The following CCDC192 variants were observed in gnomAD, a reference collection of about 807,000 sequenced individuals.
The protein encoded by CCDC192 is coiled-coil domain containing 192, also known as coiled-coil domain-containing protein 192.
chr5:127,790,683 C>A (rs777023799), intron 3 of CCDC192, among the ~76,000 whole-genome samples: 8 of 152,224 alleles, frequency 5.3e-5, no homozygotes, highest in Middle Eastern at 3.4e-3. Flanking sequence ...TTTTAGCTCC[C>A]AGATAGAAGT....
At chr5:127,762,195 T>C (rs1383766938) in intron 3 of CCDC192, among the ~76,000 whole-genome samples, 3 of 152,216 alleles carry the variant, frequency 2.0e-5, no homozygotes, top group South Asian at 2.1e-4. Flanking sequence ...TCTGAAATCA[T>C]GAGTTTTGTG....
chr5:127,937,108 TTG>T (rs1754208358), intron 6 of CCDC192, among the ~76,000 whole-genome samples: 1 of 152,228 alleles, frequency 6.6e-6, no homozygotes, highest in African/African-American at 2.4e-5. Context: ...AACAAAATAT[TTG>T]TGTTTTATAT....
intron 3 of CCDC192, among the ~76,000 whole-genome samples, chr5:127,760,482 T>A (rs777760461): frequency 6.6e-6 from 1 of 151,816 alleles, no homozygotes; most frequent in Non-Finnish European, 1.5e-5. Context: ...TTCAAAACTT[T>A]ACATTTATAA....
intron 3 of CCDC192, among the ~76,000 whole-genome samples, chr5:127,775,716 A>ATAAT (rs1210810749): frequency 1.3e-5 from 2 of 152,206 alleles, no homozygotes; most frequent in African/African-American, 4.8e-5. Flanking sequence ...TGTAGCTCCC[A>ATAAT]TAATTCCCAC....
chr5:127,874,381 C>T lies in CCDC192; in HGVS notation c.412-1157C>T, dbSNP rs944468486. 3.3e-5 allele frequency among the ~76,000 whole-genome samples: 5 copies of T among 152,096 alleles called. No homozygotes were observed. In the East Asian group the frequency reaches 9.6e-4, roughly 29 times the overall value. ...AGATAACCTGATCTGGGTGACCTCC[C>T]AAAGGTTTAGATCTCATAAATCATC... On this transcript the variant is annotated intron_variant, in intron 5 of 6. Transcript: ENST00000514853.
chr5:127,774,165 T>C (rs1375507145), intron 3 of CCDC192, among the ~76,000 whole-genome samples: 2 of 152,212 alleles, frequency 1.3e-5, no homozygotes, highest in South Asian at 4.1e-4. Flanking sequence ...ATACTAAACC[T>C]TTATCATATA....
chr5:127,915,053 TACAGGCATA>T (rs1402203907), intron 6 of CCDC192, among the ~76,000 whole-genome samples: 1 of 152,172 alleles, frequency 6.6e-6, no homozygotes, highest in African/African-American at 2.4e-5. Context: ...GTTAGTATAA[TACAGGCATA>T]ACTCAGAGAT....
intron 5 of CCDC192, among the ~76,000 whole-genome samples, chr5:127,804,086 A>C (rs1441076126): frequency 6.6e-6 from 1 of 152,194 alleles, no homozygotes; most frequent in Non-Finnish European, 1.5e-5. Context: ...CCTCCTACAA[A>C]GAAGCTATAA....
At chr5:127,824,864 A>C (rs1749449929) in intron 5 of CCDC192, among the ~76,000 whole-genome samples, 1 of 152,208 alleles carries the variant, frequency 6.6e-6, no homozygotes, top group Non-Finnish European at 1.5e-5. Context: ...CTGTGCTAAG[A>C]TAAATGGTGA....
intron 6 of CCDC192, among the ~76,000 whole-genome samples, chr5:127,902,161 A>G (rs1753054065): frequency 1.3e-5 from 2 of 152,134 alleles, no homozygotes; most frequent in Admixed American, 1.3e-4. Flanking sequence ...AATCCCAGCT[A>G]CGAGGGAGGC....
At chr5:127,887,069 T>G (rs1752585758) in intron 6 of CCDC192, among the ~76,000 whole-genome samples, 1 of 152,196 alleles carries the variant, frequency 6.6e-6, no homozygotes, top group African/African-American at 2.4e-5. Flanking sequence ...GGCTCACACC[T>G]GTAATCCCAG....
chr5:127,915,869 C>T (rs1291114148), intron 6 of CCDC192, among the ~76,000 whole-genome samples: 1 of 152,128 alleles, frequency 6.6e-6, no homozygotes, highest in African/African-American at 2.4e-5. Context: ...TGGCTGCTGA[C>T]AGATAAAGGT....
chr5:127,877,321 C>CT (rs1442304757), intron 6 of CCDC192, among the ~76,000 whole-genome samples: 9 of 149,064 alleles, frequency 6.0e-5, no homozygotes, highest in Admixed American at 1.4e-4. Flanking sequence ...AAATCTTACC[C>CT]TTTTTTTGCC....
chr5:127,786,009 C>T, intron 3 of CCDC192: 1 of 590,702 alleles, frequency 1.7e-6, no homozygotes, highest in Non-Finnish European at 3.1e-6. Flanking sequence ...CTAAAAGACC[C>T]TGATTATGAA....
At chr5:127,883,612 C>T (rs1008247498) in intron 6 of CCDC192, among the ~76,000 whole-genome samples, 1 of 152,160 alleles carries the variant, frequency 6.6e-6, no homozygotes, top group Admixed American at 6.5e-5. Flanking sequence ...CAGAACTTCC[C>T]GCAAGGATAA....
chr5:127,852,563 A>G (rs917671491), intron 5 of CCDC192, among the ~76,000 whole-genome samples: 3 of 152,300 alleles, frequency 2.0e-5, no homozygotes, highest in Admixed American at 1.3e-4. Flanking sequence ...GGTTGTCCCA[A>G]CCAGAGCCTC....
intron 3 of CCDC192, among the ~76,000 whole-genome samples, chr5:127,765,708 T>C (rs1333963451): frequency 6.6e-6 from 1 of 152,152 alleles, no homozygotes; most frequent in Non-Finnish European, 1.5e-5. Flanking sequence ...ATAAACAAAA[T>C]AGTAAATGCT....
intron 3 of CCDC192, among the ~76,000 whole-genome samples, chr5:127,768,029 G>A (rs545884437): frequency 3.3e-5 from 5 of 152,148 alleles, no homozygotes; most frequent in East Asian, 3.9e-4. Context: ...CGAGGTGGGC[G>A]GATCACGAGG....
chr5:127,710,036 G>A (rs545094172), intron 2 of CCDC192, among the ~76,000 whole-genome samples: 1 of 152,192 alleles, frequency 6.6e-6, no homozygotes, highest in Non-Finnish European at 1.5e-5. Context: ...GCTTCAATTA[G>A]CTTCCTGGAG....
Sources: allele counts gnomAD v4.1 joint callset (sites outside exome capture counted in the v4.1 genomes callset), GRCh38; gene constraint gnomAD v4.1.1; transcripts MANE v1.5; gene names NCBI Gene and HGNC (gene_info 2026-07-23, HGNC 2026-07-21).